NEGR1: variants seen among roughly 807,000 people sequenced by gnomAD.
NEGR1 encodes IgLON family member 4.
In NEGR1, 10 loss-of-function variants were observed where a neutral mutation model predicts 40.9. The observed-to-expected ratio is 0.24, with a 90% confidence interval of 0.15 to 0.42. The LOEUF (loss-of-function observed/expected upper bound fraction) is 0.42, where lower values mean the gene tolerates loss of function less well. Among genes scored for constraint, NEGR1 ranks in the 10% least tolerant of loss-of-function variants. The pLI is 1.00. For synonymous variants in NEGR1, 185 were observed against 166.8 expected, an observed-to-expected ratio of 1.11 and a Z score of -0.84; for missense variants, 352 against 438.9, an observed-to-expected ratio of 0.80 and a Z score of 1.77.
chr1:72,263,736 GCA>G (rs1014006399), intron 1 of NEGR1, among the ~76,000 whole-genome samples: 21 of 150,902 alleles, frequency 1.4e-4, no homozygotes, highest in Non-Finnish European at 2.2e-4. Context: ...ATATCTTTTG[GCA>G]CACACACACA....
At chr1:71,528,210 C>T (rs1647250578) in intron 6 of NEGR1, among the ~76,000 whole-genome samples, 1 of 151,284 alleles carries the variant, frequency 6.6e-6, no homozygotes. Context: ...TTTTTGCTTG[C>T]TATGGTACTC....
intron 1 of NEGR1, among the ~76,000 whole-genome samples, chr1:72,088,788 C>A (rs1648327630): frequency 8.1e-6 from 1 of 124,148 alleles, no homozygotes; most frequent in Admixed American, 8.6e-5. Flanking sequence ...ATGTAGTTCT[C>A]TCTCTCTCTT....
At chr1:71,952,572 G>T (rs1411378182) in intron 1 of NEGR1, among the ~76,000 whole-genome samples, 1 of 152,112 alleles carries the variant, frequency 6.6e-6, no homozygotes, top group African/African-American at 2.4e-5. Context: ...TGATATAGAA[G>T]CTGCAGCAAG....
At chr1:72,199,120 G>C (rs2100443215) in intron 1 of NEGR1, among the ~76,000 whole-genome samples, 1 of 148,820 alleles carries the variant, frequency 6.7e-6, no homozygotes, top group East Asian at 2.0e-4. Flanking sequence ...ATAGTATTTA[G>C]TACATTGGAG....
chr1:71,581,520 C>T (rs1213598942), intron 6 of NEGR1, among the ~76,000 whole-genome samples: 1 of 152,088 alleles, frequency 6.6e-6, no homozygotes. Context: ...AGGTAGAATA[C>T]AGCTCCATGT....
At chr1:72,096,477 A>C (rs1054967760) in intron 1 of NEGR1, among the ~76,000 whole-genome samples, 2 of 152,028 alleles carry the variant, frequency 1.3e-5, no homozygotes, top group African/African-American at 4.8e-5. Context: ...AACAAATGTA[A>C]TCTAATATAA....
rs1646251442 is a variant in NEGR1 at position 71,402,262 on chromosome 1, G to C, written c.*5184C>G. Reference sequence around the variant, plus strand: ...TATTTTCTCCTTTAAGTATTTGAAAGTGTTGAGAAAGCCACAATAGCAACA... The same window carrying C: ...TATTTTCTCCTTTAAGTATTTGAAACTGTTGAGAAAGCCACAATAGCAACA... On this transcript the variant is annotated 3_prime_UTR_variant, in exon 7 of 7. Coordinates refer to ENST00000357731, the MANE Select transcript of NEGR1 (RefSeq NM_173808.3). 1 of 152,144 alleles carries C rather than the reference G, an allele frequency of 6.6e-6. No individual in the cohort carries two copies. The highest frequency in any genetic ancestry group is 6.5e-5 in the Admixed American group (1 of 15,272). The allele number at this position is 152,144 out of a possible 1,614,324, so 9.4% of individuals were successfully genotyped here.
chr1:71,528,002 T>C (rs1647243028), intron 6 of NEGR1, among the ~76,000 whole-genome samples: 1 of 151,350 alleles, frequency 6.6e-6, no homozygotes. Context: ...TACGTAGCTT[T>C]TGTCAGGAAA....
chr1:71,686,799 T>C (rs1382823911), intron 4 of NEGR1, among the ~76,000 whole-genome samples: 1 of 152,224 alleles, frequency 6.6e-6, no homozygotes, highest in Non-Finnish European at 1.5e-5. Flanking sequence ...TCAGCTGTTC[T>C]CAGTACAGAA....
chr1:72,138,328 A>T (rs1234495930), intron 1 of NEGR1, among the ~76,000 whole-genome samples: 3 of 152,056 alleles, frequency 2.0e-5, no homozygotes, highest in African/African-American at 7.2e-5. Context: ...AACAAAGAGG[A>T]CAAATGAAAA....
At chr1:71,993,350 G>A (rs1031647524) in intron 1 of NEGR1, among the ~76,000 whole-genome samples, 2 of 152,118 alleles carry the variant, frequency 1.3e-5, no homozygotes, top group African/African-American at 2.4e-5. Context: ...ACTTAAGAGC[G>A]CCAACTTTTA....
intron 4 of NEGR1, among the ~76,000 whole-genome samples, chr1:71,623,234 G>T (rs1452507855): frequency 6.6e-6 from 1 of 151,804 alleles, no homozygotes; most frequent in African/African-American, 2.4e-5. Flanking sequence ...ACGTGACAGT[G>T]TCAGAAGTCT....
At chr1:71,519,860 C>G (rs1443099551) in intron 6 of NEGR1, among the ~76,000 whole-genome samples, 2 of 151,650 alleles carry the variant, frequency 1.3e-5, no homozygotes, top group Admixed American at 6.6e-5. Flanking sequence ...TGTAGGAATA[C>G]ATTTTAAGAG....
At chr1:71,721,368 A>G (rs1654505648) in intron 3 of NEGR1, among the ~76,000 whole-genome samples, 1 of 152,148 alleles carries the variant, frequency 6.6e-6, no homozygotes, top group Non-Finnish European at 1.5e-5. Context: ...CATTCAGTCA[A>G]TCAGTAAATA....
intron 4 of NEGR1, among the ~76,000 whole-genome samples, chr1:71,644,553 G>C (rs1570144683): frequency 6.6e-6 from 1 of 151,860 alleles, no homozygotes; most frequent in East Asian, 1.9e-4. Context: ...TGTATCTCAA[G>C]ACTGTGAGAC....
At chr1:71,654,196 C>T (rs189637040) in intron 4 of NEGR1, among the ~76,000 whole-genome samples, 180 of 152,044 alleles carry the variant, frequency 1.2e-3, no homozygotes, top group Non-Finnish European at 2.1e-3. Flanking sequence ...GGCTCAGGGC[C>T]GGGTGTAGGG....
chr1:72,140,332 T>C (rs987801646), intron 1 of NEGR1, among the ~76,000 whole-genome samples: 2 of 151,932 alleles, frequency 1.3e-5, no homozygotes, highest in Admixed American at 6.6e-5. Flanking sequence ...TAATTTACAA[T>C]GAAAATAAAT....
intron 6 of NEGR1, among the ~76,000 whole-genome samples, chr1:71,434,431 T>G (rs537609623): frequency 1.3e-5 from 2 of 152,206 alleles, no homozygotes; most frequent in Non-Finnish European, 2.9e-5. Context: ...CACTTCCTGT[T>G]GCTATTGTGG....
At chr1:71,601,749 A>T (rs1649926293) in intron 5 of NEGR1, among the ~76,000 whole-genome samples, 1 of 152,152 alleles carries the variant, frequency 6.6e-6, no homozygotes, top group South Asian at 2.1e-4. Context: ...AGTGGGAGTT[A>T]AAAAATGGGT....
Sources: gnomAD v4.1 joint callset for allele counts (sites outside exome capture counted in the v4.1 genomes callset) on GRCh38, gnomAD v4.1.1 for gene constraint, MANE v1.5 for transcripts, NCBI Gene and HGNC (gene_info 2026-07-23, HGNC 2026-07-21) for gene names.